AFDN: variants seen among roughly 807,000 people sequenced by gnomAD.
The protein encoded by AFDN is afadin, adherens junction formation factor.
AFDN carries 68 observed loss-of-function variants against 216.6 expected under a neutral mutation model. That is an observed-to-expected ratio of 0.31 (90% CI 0.26 to 0.38). AFDN has a LOEUF of 0.38. AFDN is among the 10% of genes least tolerant of loss of function. The pLI is 1.00. For missense variants in AFDN, 2,136 were observed against 2,342.0 expected (o/e 0.91, Z 1.82); for synonymous variants, 868 against 853.7 (o/e 1.02, Z -0.29).
chr6:167,843,008 C>T (rs1290031687), intron 1 of AFDN, among the ~76,000 whole-genome samples: 1 of 152,048 alleles, frequency 6.6e-6, no homozygotes, highest in Non-Finnish European at 1.5e-5. Flanking sequence ...TGAGGAAATA[C>T]AGTAGTTAAT....
chr6:167,909,384 G>A (rs1368611282), intron 13 of AFDN, among the ~76,000 whole-genome samples: 2 of 151,704 alleles, frequency 1.3e-5, no homozygotes, highest in Non-Finnish European at 2.9e-5. Flanking sequence ...AGGTGAGGAT[G>A]GAGGGAAGAG....
At chr6:167,863,883 G>C in intron 1 of AFDN, 1 of 485,338 alleles carries the variant, frequency 2.1e-6, no homozygotes, top group Non-Finnish European at 4.1e-6. Context: ...CAACTATTAG[G>C]TTGGTGCAAA....
At chr6:167,955,025 T>C (rs1408894100) in intron 30 of AFDN, among the ~76,000 whole-genome samples, 3 of 152,186 alleles carry the variant, frequency 2.0e-5, no homozygotes, top group Non-Finnish European at 2.9e-5. Flanking sequence ...ATCAGTCTGC[T>C]GAAAAATACT....
chr6:167,940,457 G>A (rs1197671964), intron 23 of AFDN, among the ~76,000 whole-genome samples: 1 of 45,746 alleles, frequency 2.2e-5, no homozygotes, highest in Non-Finnish European at 4.0e-5. Flanking sequence ...GGGTGAGGGT[G>A]GAAACCATCC....
At position 167,962,773 on chromosome 6, in the gene AFDN, T is replaced by C; in HGVS notation, c.4968+206T>C. 1 of 1,403,528 alleles carries C rather than the reference T, an allele frequency of 7.1e-7. No homozygotes were observed. Among genetic ancestry groups the C allele is most frequent in the Admixed American group, 2.9e-5 (1 of 34,864 alleles). 86.9% of individuals were successfully genotyped at this position (1,403,528 alleles called of 1,614,324 possible). ...CTTCTGGACTGTCTCCAGATCCCCTTATCTGCCAAGTTTTGTCTCCTTCAA... is the reference window on the plus strand; with the variant it reads ...CTTCTGGACTGTCTCCAGATCCCCTCATCTGCCAAGTTTTGTCTCCTTCAA... On this transcript the variant is annotated intron_variant, in intron 31 of 33. Coordinates refer to ENST00000683244, the MANE Select transcript of AFDN (RefSeq NM_001386888.1). The surrounding 1 kb of genome is among the most constrained non-coding windows in gnomAD (Gnocchi z 5.2).
chr6:167,870,283 G>C (rs1784651019), intron 2 of AFDN, 103 bp from the exon 3 acceptor site: 1 of 657,828 alleles, frequency 1.5e-6, no homozygotes, highest in Non-Finnish European at 2.6e-6. Flanking sequence ...CTGCAAGTAG[G>C]TGCTTTGTCT....
chr6:167,930,839 C>G (rs1010193907), intron 23 of AFDN, among the ~76,000 whole-genome samples: 1 of 151,982 alleles, frequency 6.6e-6, no homozygotes, highest in African/African-American at 2.4e-5. Flanking sequence ...AAATAAGGAC[C>G]CTTGAGGTTT....
At chr6:167,917,053 A>G (rs1791171882) in intron 19 of AFDN, 36 bp from the exon 20 acceptor site, 1 of 1,583,496 alleles carries the variant, frequency 6.3e-7, no homozygotes, top group Non-Finnish European at 8.6e-7. Flanking sequence ...TAACTTTACA[A>G]GTGTGATATT....
chr6:167,941,905 A>C (rs1794733077), intron 23 of AFDN, among the ~76,000 whole-genome samples: 1 of 152,212 alleles, frequency 6.6e-6, no homozygotes, highest in Non-Finnish European at 1.5e-5. Context: ...AACTTTTATA[A>C]ACTTAGTTGC....
At chr6:167,858,140 C>T (rs1286492337) in intron 1 of AFDN, among the ~76,000 whole-genome samples, 1 of 152,068 alleles carries the variant, frequency 6.6e-6, no homozygotes. Context: ...TTCCATAATG[C>T]TGACTAAGAG....
chr6:167,854,204 AT>A (rs1782635359), intron 1 of AFDN, among the ~76,000 whole-genome samples: 1 of 151,800 alleles, frequency 6.6e-6, no homozygotes, highest in Admixed American at 6.6e-5. Flanking sequence ...GAGGTTGTTC[AT>A]CTTTTTGTGT....
At chr6:167,916,279 G>C (rs1183740383) in intron 19 of AFDN, among the ~76,000 whole-genome samples, 2 of 152,184 alleles carry the variant, frequency 1.3e-5, no homozygotes, top group African/African-American at 4.8e-5. Context: ...TGGACCAGCT[G>C]ATCTTGTTTT....
At chr6:167,928,604 G>A (rs968271357) in intron 23 of AFDN, among the ~76,000 whole-genome samples, 1 of 152,226 alleles carries the variant, frequency 6.6e-6, no homozygotes, top group African/African-American at 2.4e-5. Context: ...CAGCTCAGAC[G>A]CTCAGGCACG....
intron 12 of AFDN, among the ~76,000 whole-genome samples, chr6:167,906,128 T>C (rs1583354129): frequency 6.6e-6 from 1 of 152,124 alleles, no homozygotes; most frequent in Non-Finnish European, 1.5e-5. Context: ...AAAACTCTTA[T>C]GGAAGGATTC....
In AFDN at chr6:167,948,378, A is replaced by G. The variant is rs762039500; in HGVS notation, c.3731A>G (p.Lys1244Arg). Residue 1244 changes from lysine to arginine, a missense_variant, in exon 29 of 34, where the codon AAA becomes AGA. Lys to Arg is a conservative substitution (Grantham distance 26). Coordinates refer to ENST00000683244, the MANE Select transcript of AFDN (RefSeq NM_001386888.1). ...GAGTATTTTACCTTCCCAGCTTCCA[A>G]ATCCCAGGATCGGATGGCTCCTCCT... Reference protein sequence around the residue: ...TREYFTFPASKSQDRMAPPQN... With the variant: ...TREYFTFPASRSQDRMAPPQN... The G allele has an allele frequency of 6.2e-7, 1 of 1,614,132 alleles. No individual in the cohort carries two copies. The highest frequency in any genetic ancestry group is 8.5e-7 in the Non-Finnish European group (1 of 1,180,036).
intron 1 of AFDN, among the ~76,000 whole-genome samples, chr6:167,860,890 A>G (rs1783486573): frequency 6.6e-6 from 1 of 152,244 alleles, no homozygotes; most frequent in African/African-American, 2.4e-5. Flanking sequence ...TTAACCATTC[A>G]TTCATTTGTT....
Position 167,843,298 on chromosome 6 carries a change from C to G in AFDN, c.105+16061C>G, listed in dbSNP as rs545903644. ...ATGCCCCTTTAGCAATTCCTGACCT[C>G]TTCTCCCTACAATATGAGAAGAAAA... On this transcript the variant is annotated intron_variant, in intron 1 of 33. Transcript: ENST00000683244. Among the ~76,000 whole-genome samples the G allele has an allele frequency of 2.0e-5, 3 of 152,288 alleles. No homozygotes were observed. The East Asian group carries it at 5.8e-4, about 29-fold the overall frequency.
chr6:167,947,335 A>ACCG (rs1040791202), intron 27 of AFDN, among the ~76,000 whole-genome samples: 2 of 151,896 alleles, frequency 1.3e-5, no homozygotes, highest in Non-Finnish European at 1.5e-5. Flanking sequence ...GCCCACCACC[A>ACCG]CGCCCGGCTA....
intron 7 of AFDN, among the ~76,000 whole-genome samples, chr6:167,890,582 C>G (rs1414888544): frequency 6.7e-6 from 1 of 149,636 alleles, no homozygotes; most frequent in East Asian, 2.0e-4. Context: ...TATTCTTAAC[C>G]TGGTGTTTTT....
Sources: allele counts gnomAD v4.1 joint callset (sites outside exome capture counted in the v4.1 genomes callset), GRCh38; gene constraint gnomAD v4.1.1; non-coding constraint Gnocchi (gnomAD v3.1); transcripts MANE v1.5; gene names NCBI Gene and HGNC (gene_info 2026-07-23, HGNC 2026-07-21).